PTPRN2: variants seen among roughly 807,000 people sequenced by gnomAD.
PTPRN2 encodes receptor-type tyrosine-protein phosphatase N2.
A neutral mutation model predicts 118.8 loss-of-function variants in PTPRN2; 74 were observed. The observed-to-expected ratio is 0.62, with a 90% CI of 0.52 to 0.76. The LOEUF is 0.76. Ranked by LOEUF, PTPRN2 falls within the 30% of genes least tolerant of loss-of-function variation. The pLI is 0.00. For missense variants in PTPRN2, 1,481 were observed against 1,394.4 expected (o/e 1.06, Z -0.99); for synonymous variants, 641 against 608.0 (o/e 1.05, Z -0.80).
chr7:157,879,534 A>G (rs1795996735), intron 12 of PTPRN2, among the ~76,000 whole-genome samples: 1 of 152,246 alleles, frequency 6.6e-6, no homozygotes, highest in African/African-American at 2.4e-5. Flanking sequence ...CAAAAGCAAA[A>G]ACACAGACAA....
chr7:158,077,513 G>C (rs1359787537), intron 11 of PTPRN2, among the ~76,000 whole-genome samples: 2 of 139,402 alleles, frequency 1.4e-5, no homozygotes, highest in Non-Finnish European at 3.1e-5. Context: ...AGCCCCCCAT[G>C]AGCCTCACCC....
In PTPRN2 at chr7:158,387,597, G is replaced by A. The variant is rs144554391; in HGVS notation, c.164-70665C>T. Among the ~76,000 whole-genome samples the A allele has an allele frequency of 1.4e-4, 22 of 152,382 alleles. 1 individual carries two copies. Among genetic ancestry groups the A allele is most frequent in the African/African-American group, 3.8e-4 (16 of 41,588 alleles). ...AGCTCAGCTTGGCCCGGCCAGGCCC[G>A]GGGATGCAGCTGAAGGCGGAGAGCT... is the stretch of plus-strand genomic sequence containing the variant. On this transcript the variant is annotated intron_variant, in intron 2 of 22. Transcript: ENST00000389418.
At chr7:158,009,139 A>C (rs1465185850) in intron 11 of PTPRN2, among the ~76,000 whole-genome samples, 1 of 150,652 alleles carries the variant, frequency 6.6e-6, no homozygotes, top group African/African-American at 2.4e-5. Flanking sequence ...CCCGTGACCG[A>C]CCCCCTCAGT....
intron 11 of PTPRN2, among the ~76,000 whole-genome samples, chr7:157,917,164 C>T (rs1372266288): frequency 1.3e-5 from 2 of 152,374 alleles, no homozygotes; most frequent in Non-Finnish European, 2.9e-5. Context: ...CCACGCACCC[C>T]GGCCACTCCA....
intron 11 of PTPRN2, 119 bp downstream of exon 11, chr7:158,081,179 T>C: frequency 1.0e-6 from 1 of 989,836 alleles, no homozygotes. Context: ...TTCCTCTGGG[T>C]TGCCCCATGT....
Position 157,794,410 on chromosome 7 carries a change from T to C in PTPRN2, c.1788+104263A>G, listed in dbSNP as rs1804737120. ...ACTCGGGCAGTGCGGTGACCAATTA[T>C]AGCGTCGACGATGGCAGCTTCCCTC... On this transcript the variant is annotated intron_variant, in intron 12 of 22. Coordinates refer to ENST00000389418, the MANE Select transcript of PTPRN2 (RefSeq NM_002847.5). This position sits in a 1 kb window ranked among gnomAD's most constrained non-coding sequence, Gnocchi z 5.2. Among the ~76,000 whole-genome samples, 1 of 152,218 alleles carries C rather than the reference T, an allele frequency of 6.6e-6. No homozygotes were observed. Among genetic ancestry groups the C allele is most frequent in the South Asian group, 2.1e-4 (1 of 4,836 alleles).
At chr7:157,659,297 T>A (rs1371061282) in intron 13 of PTPRN2, among the ~76,000 whole-genome samples, 20 of 103,334 alleles carry the variant, frequency 1.9e-4, no homozygotes, top group African/African-American at 7.8e-4. Flanking sequence ...GGAGGATGAC[T>A]GCGGGGACGG....
chr7:158,353,865 A>T (rs147290054), intron 2 of PTPRN2, among the ~76,000 whole-genome samples: 44 of 152,280 alleles, frequency 2.9e-4, no homozygotes, highest in African/African-American at 1.1e-3. Context: ...GCCTCAACCC[A>T]TGGGGAGCAT....
chr7:157,956,268 G>C (rs759020973), intron 11 of PTPRN2, among the ~76,000 whole-genome samples: 1 of 152,168 alleles, frequency 6.6e-6, no homozygotes, highest in African/African-American at 2.4e-5. Context: ...AGCAAGAGAC[G>C]TGGAGCACAT....
chr7:158,261,183 C>A (rs1487516523), intron 3 of PTPRN2, among the ~76,000 whole-genome samples: 1 of 152,108 alleles, frequency 6.6e-6, no homozygotes, highest in Non-Finnish European at 1.5e-5. Context: ...GTGGAAGACC[C>A]TGCCTACGGG....
In PTPRN2 at chr7:157,765,323, C is replaced by T. The variant is rs111066526; in HGVS notation, c.1789-82386G>A. 4.1e-3 allele frequency among the ~76,000 whole-genome samples: 628 copies of T among 151,466 alleles called. 5 individuals carry two copies. The highest frequency in any genetic ancestry group is 0.014 in the African/African-American group (596 of 41,264). The stretch of plus-strand genomic sequence containing the variant: ...TCCATCCATCTTTCCTTCATCCATC[C>T]CTCCATCATCCATCCACCCATCCAT... On this transcript the variant is annotated intron_variant, in intron 12 of 22. Coordinates refer to ENST00000389418, the MANE Select transcript of PTPRN2 (RefSeq NM_002847.5).
chr7:157,786,049 C>G (rs891545195), intron 12 of PTPRN2, among the ~76,000 whole-genome samples: 1 of 152,154 alleles, frequency 6.6e-6, no homozygotes, highest in Non-Finnish European at 1.5e-5. Context: ...TCCTCTGCCC[C>G]CTGTGGGGCA....
intron 12 of PTPRN2, among the ~76,000 whole-genome samples, chr7:157,802,029 G>A (rs73746624): frequency 0.049 from 7,487 of 152,216 alleles, 602 homozygotes; most frequent in African/African-American, 0.17. Context: ...TTCGTCCACC[G>A]TGAAACCCGC....
intron 10 of PTPRN2, among the ~76,000 whole-genome samples, chr7:158,100,247 G>A (rs1815120189): frequency 3.4e-5 from 1 of 29,060 alleles, no homozygotes. Flanking sequence ...TCCATGGGGT[G>A]TGTGTGTGTG....
At chr7:158,537,181 G>C (rs1394644369) in intron 1 of PTPRN2, among the ~76,000 whole-genome samples, 2 of 152,006 alleles carry the variant, frequency 1.3e-5, no homozygotes, top group African/African-American at 4.8e-5. Context: ...CTCCAGAAAT[G>C]TGAAAAATAA....
At chr7:158,094,640 A>T (rs1215567221) in intron 10 of PTPRN2, among the ~76,000 whole-genome samples, 1 of 152,208 alleles carries the variant, frequency 6.6e-6, no homozygotes, top group Non-Finnish European at 1.5e-5. Flanking sequence ...CTTCGCTCTC[A>T]TGATGCTTAA....
intron 11 of PTPRN2, 34 bp downstream of exon 11, chr7:158,081,264 G>A (rs1422481634): frequency 1.9e-6 from 3 of 1,542,716 alleles, no homozygotes; most frequent in Admixed American, 1.7e-5. Flanking sequence ...ACACACGTGT[G>A]TGTGCGTGTA....
chr7:157,983,407 C>T (rs1333396356), intron 11 of PTPRN2, among the ~76,000 whole-genome samples: 1 of 151,934 alleles, frequency 6.6e-6, no homozygotes, highest in African/African-American at 2.4e-5. Flanking sequence ...GGGTTCCCCC[C>T]TAAACCCCGA....
chr7:157,606,432 GC>G (rs1239381757), intron 15 of PTPRN2, among the ~76,000 whole-genome samples: 1 of 152,222 alleles, frequency 6.6e-6, no homozygotes, highest in African/African-American at 2.4e-5. Flanking sequence ...GATGGTAGTG[GC>G]CACTCCAGAG....
Sources: gnomAD v4.1 joint callset for allele counts (sites outside exome capture counted in the v4.1 genomes callset) on GRCh38, gnomAD v4.1.1 for gene constraint, Gnocchi (gnomAD v3.1) non-coding constraint, MANE v1.5 for transcripts, NCBI Gene and HGNC (gene_info 2026-07-23, HGNC 2026-07-21) for gene names.